CNTN5: variants seen among roughly 807,000 people sequenced by gnomAD.
CNTN5 encodes the protein contactin-5.
Under a neutral mutation model 129.1 loss-of-function variants are expected in CNTN5, and 77 were observed. The observed-to-expected ratio is 0.60, with a 90% CI of 0.50 to 0.72. CNTN5 has a LOEUF of 0.72. Ranked by LOEUF, CNTN5 falls within the 30% of genes least tolerant of loss-of-function variation. The probability of loss-of-function intolerance (pLI) is 0.00; values close to 1 mark genes in which losing one functional copy is unlikely to be tolerated. For synonymous variants in CNTN5, 509 were observed against 465.6 expected, an observed-to-expected ratio of 1.09 and a Z score of -1.20; for missense variants, 1,478 against 1,328.8, an observed-to-expected ratio of 1.11 and a Z score of -1.75.
In CNTN5 at chr11:100,267,681, G is replaced by A. The variant is rs117379425; in HGVS notation, c.2165-3411G>A. On this transcript the variant is annotated intron_variant, in intron 17 of 24. Transcript: ENST00000524871. ...AGGCAGGAGCAGAATGAGGTTTAGG[G>A]AGAAATGTAGATGAGTTTTGAGAGA... is the stretch of plus-strand genomic sequence containing the variant. Among the ~76,000 whole-genome samples the A allele has an allele frequency of 5.3e-5, 8 of 152,218 alleles. No homozygotes were observed. In the East Asian group the frequency reaches 1.5e-3, roughly 29 times the overall value.
intron 1 of CNTN5, among the ~76,000 whole-genome samples, chr11:99,207,126 T>A (rs1465735710): frequency 6.6e-6 from 1 of 152,134 alleles, no homozygotes; most frequent in East Asian, 1.9e-4. Flanking sequence ...ATAAGTGGTA[T>A]TAAAATATAA....
At chr11:99,076,757 G>A (rs943679507) in intron 1 of CNTN5, among the ~76,000 whole-genome samples, 2 of 151,890 alleles carry the variant, frequency 1.3e-5, no homozygotes, top group African/African-American at 4.8e-5. Context: ...AATTTTCTTT[G>A]GTATTTGGAA....
chr11:100,309,900 C>T (rs1382954985), intron 21 of CNTN5, among the ~76,000 whole-genome samples: 4 of 151,890 alleles, frequency 2.6e-5, no homozygotes, highest in East Asian at 2.0e-4. Flanking sequence ...AAAGTGACCT[C>T]GCCACACTTA....
intron 2 of CNTN5, among the ~76,000 whole-genome samples, chr11:99,453,043 A>G (rs1944368426): frequency 6.6e-6 from 1 of 152,190 alleles, no homozygotes; most frequent in Non-Finnish European, 1.5e-5. Context: ...GCTGTTAGTC[A>G]CTTTGTAAGG....
intron 13 of CNTN5, among the ~76,000 whole-genome samples, chr11:100,086,509 C>T (rs1944562725): frequency 1.3e-5 from 2 of 148,916 alleles, no homozygotes; most frequent in Non-Finnish European, 3.0e-5. Context: ...GATATATGTA[C>T]ATATACCAAT....
chr11:100,117,333 T>C (rs1011093235), intron 13 of CNTN5, among the ~76,000 whole-genome samples: 2 of 151,914 alleles, frequency 1.3e-5, no homozygotes, highest in Non-Finnish European at 2.9e-5. Context: ...AGTCCCTGTC[T>C]TGCAAAATAC....
At chr11:100,337,538 C>G in intron 21 of CNTN5, 1 of 743,820 alleles carries the variant, frequency 1.3e-6, no homozygotes, top group Non-Finnish European at 2.5e-6. Flanking sequence ...TATCCCCAGT[C>G]AAGCAAGCTG....
At chr11:99,377,286 G>A (rs994853430) in intron 2 of CNTN5, among the ~76,000 whole-genome samples, 5 of 151,942 alleles carry the variant, frequency 3.3e-5, no homozygotes, top group South Asian at 4.1e-4. Flanking sequence ...TCTTATATTC[G>A]TATATCTTTA....
At chr11:100,274,229 G>A (rs1452108417) in intron 18 of CNTN5, among the ~76,000 whole-genome samples, 1 of 152,064 alleles carries the variant, frequency 6.6e-6, no homozygotes, top group East Asian at 1.9e-4. Flanking sequence ...ACTCAAGATG[G>A]ATTAAAGACT....
chr11:99,738,583 G>C (rs1943784598), intron 3 of CNTN5, among the ~76,000 whole-genome samples: 1 of 150,424 alleles, frequency 6.6e-6, no homozygotes, highest in African/African-American at 2.5e-5. Flanking sequence ...AGAAAAGGCA[G>C]GCTATAAAAA....
At chr11:99,475,272 C>T (rs773601630) in intron 2 of CNTN5, among the ~76,000 whole-genome samples, 1 of 152,202 alleles carries the variant, frequency 6.6e-6, no homozygotes, top group South Asian at 2.1e-4. Context: ...GCTTGCCTGC[C>T]ATCTGCCCTG....
intron 2 of CNTN5, among the ~76,000 whole-genome samples, chr11:99,477,386 A>C (rs1374772235): frequency 6.6e-6 from 1 of 151,962 alleles, no homozygotes; most frequent in Non-Finnish European, 1.5e-5. Context: ...TCATTGTATA[A>C]CTAAACTCTG....
rs1945870625 is a variant in CNTN5 at position 99,794,687 on chromosome 11, G to C, written c.56-24857G>C. Among the ~76,000 whole-genome samples, 2 of 152,078 alleles carry C rather than the reference G, an allele frequency of 1.3e-5. 1 individual carries two copies. Among genetic ancestry groups the C allele is most frequent in the Admixed American group, 1.3e-4 (2 of 15,268 alleles). On this transcript the variant is annotated intron_variant, in intron 3 of 24. Coordinates refer to ENST00000524871, the MANE Select transcript of CNTN5 (RefSeq NM_014361.4). ...ATTTTTCCTTTGTTTATGATGCTTA[G>C]TTTGGCTGGATATGAACTTCTTGGT...
At chr11:100,110,383 G>T (rs567341679) in intron 13 of CNTN5, among the ~76,000 whole-genome samples, 2 of 152,006 alleles carry the variant, frequency 1.3e-5, no homozygotes, top group Admixed American at 6.6e-5. Flanking sequence ...GCAATTATAA[G>T]AAATTCTATC....
rs371952404 is a variant in CNTN5 at position 99,971,457 on chromosome 11, C to T, written c.877+14448C>T. 3.3e-5 allele frequency among the ~76,000 whole-genome samples: 5 copies of T among 151,908 alleles called. No homozygotes were observed. The South Asian group carries it at 6.2e-4, about 19-fold the overall frequency. ...ACTGGGGAGGCTGAGGCAGGAAAAT[C>T]GCTTGAACCCGAGAGGCGGAGGTTG... On this transcript the variant is annotated intron_variant, in intron 8 of 24. Coordinates refer to ENST00000524871, the MANE Select transcript of CNTN5 (RefSeq NM_014361.4).
At chr11:99,978,705 T>G (rs535536738) in intron 8 of CNTN5, among the ~76,000 whole-genome samples, 11 of 152,186 alleles carry the variant, frequency 7.2e-5, no homozygotes, top group Non-Finnish European at 1.3e-4. Context: ...GTAAGTGCCC[T>G]CTGATGTTTT....
chr11:99,841,584 GGGA>G lies in CNTN5; in HGVS notation c.278-3258_278-3256del, dbSNP rs139593754. 5.3e-3 allele frequency among the ~76,000 whole-genome samples: 798 copies of G among 151,420 alleles called. 5 individuals carry two copies. The highest frequency in any genetic ancestry group is 0.018 in the African/African-American group (759 of 41,298). On this transcript the variant is annotated intron_variant, in intron 4 of 24. Transcript: ENST00000524871. Reference sequence around the variant, plus strand: ...TAAGTATAATAAGAGTGAGAAAAAGGGGAGGAGGAGGAAAAGAAGCAGCAGAAG... The same window carrying G: ...TAAGTATAATAAGAGTGAGAAAAAGGGGAGGAGGAAAAGAAGCAGCAGAAG...
chr11:100,294,802 T>G (rs1951069434), intron 18 of CNTN5, among the ~76,000 whole-genome samples: 1 of 151,558 alleles, frequency 6.6e-6, no homozygotes, highest in East Asian at 1.9e-4. Context: ...TCCCTTCAGA[T>G]CAGGAATATG....
At chr11:99,907,613 G>A (rs1949544192) in intron 6 of CNTN5, among the ~76,000 whole-genome samples, 1 of 151,424 alleles carries the variant, frequency 6.6e-6, no homozygotes, top group Non-Finnish European at 1.5e-5. Flanking sequence ...TTTATTATAT[G>A]TCAAACACTA....
Sources: gnomAD v4.1 joint callset for allele counts (sites outside exome capture counted in the v4.1 genomes callset) on GRCh38, gnomAD v4.1.1 for gene constraint, MANE v1.5 for transcripts, NCBI Gene and HGNC (gene_info 2026-07-23, HGNC 2026-07-21) for gene names.